Variants in ANPEP observed in about 807,000 individuals in gnomAD.
ANPEP encodes aminopeptidase N.
In ANPEP, 70 loss-of-function variants were observed where a neutral mutation model predicts 114.6. That is an observed-to-expected ratio of 0.61 (90% CI 0.50 to 0.75). The LOEUF is 0.75. Ranked by LOEUF, ANPEP falls within the 30% of genes least tolerant of loss-of-function variation. ANPEP has a pLI of 0.00. For missense variants in ANPEP, 1,184 were observed against 1,259.5 expected (o/e 0.94, Z 0.91); for synonymous variants, 548 against 522.3 (o/e 1.05, Z -0.67).
In ANPEP at chr15:89,801,093, A is replaced by G; in HGVS notation, c.1819+18T>C. On this transcript the variant is annotated intron_variant, in intron 12 of 20. Coordinates refer to ENST00000300060, the MANE Select transcript of ANPEP (RefSeq NM_001150.3). ...GTATGGGGTGGGGGCTGCTGCCCAT[A>G]AGGCAGGGCTGGATTACCTCTTACA... The G allele has an allele frequency of 2.5e-6, 4 of 1,611,952 alleles. No individual in the cohort carries two copies. Among genetic ancestry groups the G allele is most frequent in the Middle Eastern group, 1.7e-4 (1 of 6,050 alleles).
chr15:89,787,947 C>G (rs960567729), intron 20 of ANPEP, among the ~76,000 whole-genome samples: 1 of 152,146 alleles, frequency 6.6e-6, no homozygotes, highest in Non-Finnish European at 1.5e-5. Context: ...ACTTCCTACC[C>G]ACTAGATGAC....
intron 6 of ANPEP, 60 bp from the exon 7 acceptor site, chr15:89,804,062 G>C: frequency 6.3e-7 from 1 of 1,587,906 alleles, no homozygotes; most frequent in African/African-American, 1.3e-5. Context: ...AGAATCCCCA[G>C]AACTACCCTC....
chr15:89,809,145 C>T (rs1309188864), intron 1 of ANPEP, among the ~76,000 whole-genome samples: 1 of 152,218 alleles, frequency 6.6e-6, no homozygotes, highest in African/African-American at 2.4e-5. Flanking sequence ...CAGTGGCTCC[C>T]AGCACATGCT....
chr15:89,790,603 C>T (rs1452526255), intron 19 of ANPEP, 62 bp from the exon 20 acceptor site: 1 of 1,422,676 alleles, frequency 7.0e-7, no homozygotes. Flanking sequence ...CTCATCCTCA[C>T]ACCTACTGGG....
chr15:89,796,913 T>C (rs1049377654), intron 15 of ANPEP, among the ~76,000 whole-genome samples: 6 of 152,248 alleles, frequency 3.9e-5, no homozygotes, highest in African/African-American at 1.4e-4. Context: ...TTTAGACGTT[T>C]AAGTATTTGT....
chr15:89,805,159 C>A lies in ANPEP; in HGVS notation c.816G>T (p.Thr272=). 1 of 1,614,190 alleles carries A rather than the reference C, an allele frequency of 6.2e-7. No individual in the cohort carries two copies. The highest frequency in any genetic ancestry group is 8.5e-7 in the Non-Finnish European group (1 of 1,180,030). The part of the protein sequence containing the change: ...PNWNVTEFHT[T]PKMSTYLLAF... ...CCAGCAAGTACGTGGACATCTTGGGCGTGGTGTGGAACTCAGTGACATTCC... is the reference window on the plus strand; with the variant it reads ...CCAGCAAGTACGTGGACATCTTGGGAGTGGTGTGGAACTCAGTGACATTCC... The change falls in exon 4 of 21, where the codon ACG becomes ACT. Residue 272 remains threonine (T), a synonymous_variant. Coordinates refer to ENST00000300060, the MANE Select transcript of ANPEP (RefSeq NM_001150.3).
At chr15:89,804,229 G>C (rs772990175) in intron 6 of ANPEP, 24 bp downstream of exon 6, 4 of 1,613,372 alleles carry the variant, frequency 2.5e-6, no homozygotes, top group Non-Finnish European at 3.4e-6. Context: ...TTCCTTCTCC[G>C]CACTCCCCGA....
chr15:89,799,122 G>A lies in ANPEP; in HGVS notation c.2009+138C>T, dbSNP rs8035491. On this transcript the variant is annotated intron_variant, in intron 14 of 20. Coordinates refer to ENST00000300060, the MANE Select transcript of ANPEP (RefSeq NM_001150.3). The surrounding 1 kb of genome is among the most constrained non-coding windows in gnomAD (Gnocchi z 4.2). ...GGTGTGTGGGGACCCAGGGAGGGAC[G>A]TCCAGGGAGCACAGGAGCTCAGGGC... 408,915 of 932,986 alleles carry A rather than the reference G, an allele frequency of 0.44. 93,085 individuals are homozygous for A. Among genetic ancestry groups the A allele is most frequent in the African/African-American group, 0.53 (32,644 of 61,506 alleles). The allele number at this position is 932,986 out of a possible 1,614,324, so 57.8% of individuals were successfully genotyped here.
rs147807261 is a variant in ANPEP, at chr15:89,798,636, CA to C, written c.2009+623del. On this transcript the variant is annotated intron_variant, in intron 14 of 20. Coordinates refer to ENST00000300060, the MANE Select transcript of ANPEP (RefSeq NM_001150.3). Reference sequence around the variant, plus strand: ...CGGGTGACAGAGCAAGACTCCATCTCAAAAAAAAAAAGCGGGGGGGCATGGC... The same window carrying C: ...CGGGTGACAGAGCAAGACTCCATCTCAAAAAAAAAAGCGGGGGGGCATGGC... Among the ~76,000 whole-genome samples the C allele has an allele frequency of 7.1e-4, 98 of 138,598 alleles. 5 individuals are homozygous for C. Among genetic ancestry groups the C allele is most frequent in the Admixed American group, 2.1e-3 (29 of 13,668 alleles). 90.9% of individuals were successfully genotyped at this position (138,598 alleles called of 152,430 possible).
chr15:89,796,588 T>G (rs1330158500), intron 15 of ANPEP, among the ~76,000 whole-genome samples: 1 of 151,916 alleles, frequency 6.6e-6, no homozygotes, highest in East Asian at 1.9e-4. Flanking sequence ...CCCAGGTTCA[T>G]GCCATTCTCC....
intron 15 of ANPEP, 142 bp downstream of exon 15, chr15:89,797,433 T>C (rs1596164594): frequency 8.0e-7 from 1 of 1,250,308 alleles, no homozygotes; most frequent in Admixed American, 2.6e-5. Context: ...AAGGCAATCT[T>C]TCTTTTTTTT....
At chr15:89,802,321 G>C (rs1596167325) in intron 10 of ANPEP, 1 of 152,396 alleles carries the variant, frequency 6.6e-6, no homozygotes, top group South Asian at 2.1e-4. Flanking sequence ...GAAGGTAGTG[G>C]GGGAGACCCA....
intron 20 of ANPEP, among the ~76,000 whole-genome samples, chr15:89,789,615 A>G (rs1301693000): frequency 1.3e-5 from 2 of 151,744 alleles, no homozygotes; most frequent in East Asian, 3.9e-4. Context: ...TCTACTAAAA[A>G]TACAAAAATT....
In ANPEP at chr15:89,785,496, C is replaced by T; in HGVS notation, c.2757G>A (p.Glu919=). 1 of 1,613,890 alleles carries T rather than the reference C, an allele frequency of 6.2e-7. No individual in the cohort carries two copies. Among genetic ancestry groups the T allele is most frequent in the Non-Finnish European group, 8.5e-7 (1 of 1,179,864 alleles). ...FSTEYELQQL[E]QFKKDNEETG... is the part of the protein sequence containing the mutation. ...TTTCCTCGTTGTCCTTCTTGAACTG[C>T]TCCAGCTGCCAGAAAAACAAAAGAT... Residue 919 remains glutamate (E), a synonymous_variant, in exon 21 of 21, where the codon GAG becomes GAA. Coordinates refer to ENST00000300060, the MANE Select transcript of ANPEP (RefSeq NM_001150.3).
chr15:89,811,495 A>T (rs939789846), intron 1 of ANPEP, among the ~76,000 whole-genome samples: 3 of 151,310 alleles, frequency 2.0e-5, no homozygotes, highest in African/African-American at 7.3e-5. Flanking sequence ...AAATACAAAA[A>T]ATTAGCCGGG....
chr15:89,801,799 C>T (rs894246674), intron 10 of ANPEP, among the ~76,000 whole-genome samples, 192 bp from the exon 11 acceptor site: 7 of 152,204 alleles, frequency 4.6e-5, no homozygotes, highest in South Asian at 2.1e-4. Context: ...CAGTGCTGGA[C>T]GAGCTGGAGA....
rs1284804289 is a variant in ANPEP at position 89,806,034 on chromosome 15, C to T, written c.550G>A (p.Gly184Arg). ...SQYEMDSEFE[G>R]ELADDLAGFY... ...CCCGCCAGGTCATCTGCCAACTCCC[C>T]CTCGAACTCGCTGTCCATCTCATAC... The change falls in exon 2 of 21, where the codon GGG (glycine) becomes AGG (arginine). Residue 184 changes from glycine (G) to arginine (R), a missense_variant. Transcript: ENST00000300060. This position sits in a 1 kb window ranked among gnomAD's most constrained non-coding sequence, Gnocchi z 5.7. 3 of 1,611,956 alleles carry T rather than the reference C, an allele frequency of 1.9e-6. No homozygotes were observed. Among genetic ancestry groups the T allele is most frequent in the Non-Finnish European group, 2.5e-6 (3 of 1,178,322 alleles).
intron 15 of ANPEP, among the ~76,000 whole-genome samples, chr15:89,795,878 C>G (rs1379232686): frequency 6.6e-6 from 1 of 152,206 alleles, no homozygotes. Flanking sequence ...TGTGTGGCAG[C>G]TCTGGAAGAG....
intron 15 of ANPEP, 32 bp from the exon 16 acceptor site, chr15:89,793,158 G>A: frequency 6.3e-7 from 1 of 1,585,434 alleles, no homozygotes. Flanking sequence ...TCTCATCAAA[G>A]ACTCATGCCT....
Sources: allele counts gnomAD v4.1 joint callset (sites outside exome capture counted in the v4.1 genomes callset), GRCh38; gene constraint gnomAD v4.1.1; non-coding constraint Gnocchi (gnomAD v3.1); transcripts MANE v1.5; gene names NCBI Gene and HGNC (gene_info 2026-07-23, HGNC 2026-07-21).